The following ARHGEF7 variants were observed in gnomAD, a reference collection of about 807,000 sequenced individuals.
The protein encoded by ARHGEF7 is PAK-interacting exchange factor beta.
In ARHGEF7, 33 loss-of-function variants were observed where a neutral mutation model predicts 109.8. That is an observed-to-expected ratio of 0.30 (90% CI 0.23 to 0.40). The LOEUF is 0.40. Among genes scored for constraint, ARHGEF7 ranks in the 10% least tolerant of loss-of-function variants. The pLI is 1.00. For missense variants in ARHGEF7, 938 were observed against 1,098.5 expected, an observed-to-expected ratio of 0.85 and a Z score of 2.07; for synonymous variants, 458 against 424.6, an observed-to-expected ratio of 1.08 and a Z score of -0.97.
At chr13:111,122,400 T>A (rs2067257933) in intron 1 of ARHGEF7, among the ~76,000 whole-genome samples, 1 of 152,228 alleles carries the variant, frequency 6.6e-6, no homozygotes, top group Admixed American at 6.5e-5. Flanking sequence ...GCTTCTGACT[T>A]CTCCCTCCTT....
chr13:111,124,734 T>C (rs922463149), intron 1 of ARHGEF7, among the ~76,000 whole-genome samples: 9 of 152,132 alleles, frequency 5.9e-5, no homozygotes, highest in African/African-American at 2.2e-4. Flanking sequence ...AATGGTGGCC[T>C]GGGGATAGGT....
intron 6 of ARHGEF7, chr13:111,241,401 G>A (rs959740374): frequency 2.6e-6 from 4 of 1,510,504 alleles, no homozygotes; most frequent in South Asian, 1.2e-5. Flanking sequence ...CAGAGGGAGT[G>A]GGCACCCCAG....
intron 17 of ARHGEF7, among the ~76,000 whole-genome samples, chr13:111,287,922 C>T (rs2093095960): frequency 6.6e-6 from 1 of 152,196 alleles, no homozygotes; most frequent in South Asian, 2.1e-4. Flanking sequence ...AGTTGTCGGC[C>T]TTTTGTTTTC....
intron 2 of ARHGEF7, among the ~76,000 whole-genome samples, chr13:111,196,302 C>T (rs960195468): frequency 2.0e-5 from 3 of 152,184 alleles, no homozygotes; most frequent in South Asian, 2.1e-4. Context: ...ACTTGCTGAC[C>T]GGTAGGGAAT....
intron 6 of ARHGEF7, chr13:111,241,350 C>T (rs755309809): frequency 6.5e-7 from 1 of 1,535,906 alleles, no homozygotes; most frequent in Non-Finnish European, 8.7e-7. Flanking sequence ...AGTGGCACCC[C>T]CGGCTGCGCC....
intron 18 of ARHGEF7, among the ~76,000 whole-genome samples, chr13:111,291,571 AG>A (rs2093286653): frequency 6.6e-6 from 1 of 152,260 alleles, no homozygotes; most frequent in Non-Finnish European, 1.5e-5. Context: ...ACCCACTCTC[AG>A]GTTTATGGTC....
chr13:111,256,842 G>C (rs888891463), intron 8 of ARHGEF7, among the ~76,000 whole-genome samples: 3 of 152,184 alleles, frequency 2.0e-5, no homozygotes, highest in African/African-American at 7.2e-5. Flanking sequence ...CTTCTAGTTG[G>C]CTCCTGTTCT....
chr13:111,135,733 A>G (rs1281019927), intron 1 of ARHGEF7, among the ~76,000 whole-genome samples: 1 of 152,230 alleles, frequency 6.6e-6, no homozygotes, highest in Admixed American at 6.5e-5. Context: ...CAATCATGTC[A>G]TCTGCAAACA....
At chr13:111,141,892 T>C (rs1284631799) in intron 1 of ARHGEF7, among the ~76,000 whole-genome samples, 1 of 152,238 alleles carries the variant, frequency 6.6e-6, no homozygotes, top group East Asian at 1.9e-4. Flanking sequence ...TTTAGCTTTG[T>C]AGGAGACTGC....
chr13:111,221,215 GTCT>G (rs2083867318), intron 5 of ARHGEF7, among the ~76,000 whole-genome samples: 1 of 26,480 alleles, frequency 3.8e-5, no homozygotes, highest in Non-Finnish European at 9.0e-5. Flanking sequence ...AGATATATAT[GTCT>G]ATATATATCT....
At chr13:111,137,349 A>G (rs1478184049) in intron 1 of ARHGEF7, among the ~76,000 whole-genome samples, 3 of 152,262 alleles carry the variant, frequency 2.0e-5, no homozygotes, top group Non-Finnish European at 4.4e-5. Flanking sequence ...TCATTAGCCC[A>G]GCAGCACCAT....
In ARHGEF7 at chr13:111,275,660, T is replaced by A. The variant is rs751771109; in HGVS notation, c.1401T>A (p.Ile467=). 1.9e-6 allele frequency: 3 copies of A among 1,614,118 alleles called. No individual in the cohort carries two copies. The South Asian group carries it at 3.3e-5, about 18-fold the overall frequency. Residue 467 remains isoleucine (I), a synonymous_variant, in exon 12 of 22, where the codon ATT becomes ATA. Transcript: ENST00000646102. ...TCACTTACATGTCCCAGGTCCTGAT[T>A]CAGTGTGCCGGAAGTGAGGTACTGC... The part of the protein sequence containing the change: ...GNVTYMSQVL[I]QCAGSEEKNE...
At chr13:111,141,442 T>C (rs544407625) in intron 1 of ARHGEF7, among the ~76,000 whole-genome samples, 24 of 152,164 alleles carry the variant, frequency 1.6e-4, no homozygotes, top group Admixed American at 5.9e-4. Context: ...GTGCGAGCTA[T>C]GGGGGAAGTG....
chr13:111,253,560 G>T (rs575289822), intron 8 of ARHGEF7, among the ~76,000 whole-genome samples: 2 of 152,284 alleles, frequency 1.3e-5, no homozygotes, highest in East Asian at 3.9e-4. Context: ...TTAGATGCCA[G>T]CGCATGGGCT....
intron 2 of ARHGEF7, among the ~76,000 whole-genome samples, chr13:111,204,946 A>C (rs962534357): frequency 6.6e-6 from 1 of 150,820 alleles, no homozygotes; most frequent in African/African-American, 2.5e-5. Context: ...ATCTAAGGAG[A>C]GGAGGATTGC....
chr13:111,165,289 C>G (rs965475401), intron 2 of ARHGEF7, among the ~76,000 whole-genome samples: 1 of 152,150 alleles, frequency 6.6e-6, no homozygotes, highest in African/African-American at 2.4e-5. Flanking sequence ...CTTTTTGGCC[C>G]TTGACATGGG....
At chr13:111,191,608 C>T (rs1372086746) in intron 2 of ARHGEF7, among the ~76,000 whole-genome samples, 1 of 152,148 alleles carries the variant, frequency 6.6e-6, no homozygotes, top group East Asian at 1.9e-4. Context: ...TTGATAGATA[C>T]AAAGCCAACA....
intron 19 of ARHGEF7, chr13:111,293,048 C>T (rs751999618): frequency 1.1e-4 from 105 of 985,374 alleles, no homozygotes; most frequent in Non-Finnish European, 1.2e-4. Flanking sequence ...CTCGCATCTT[C>T]ACCCCAAACT....
At chr13:111,127,943 A>G (rs928302133) in intron 1 of ARHGEF7, among the ~76,000 whole-genome samples, 20 of 152,236 alleles carry the variant, frequency 1.3e-4, no homozygotes, top group African/African-American at 4.8e-4. Flanking sequence ...ACAAACTAAA[A>G]GAGAAAAATC....
Sources: gnomAD v4.1 joint callset for allele counts (sites outside exome capture counted in the v4.1 genomes callset) on GRCh38, gnomAD v4.1.1 for gene constraint, MANE v1.5 for transcripts, NCBI Gene and HGNC (gene_info 2026-07-23, HGNC 2026-07-21) for gene names.